Variants in MTMR3 observed in about 807,000 individuals in gnomAD.
The protein encoded by MTMR3 is myotubularin related protein 3.
In MTMR3, 32 loss-of-function variants were observed where a neutral mutation model predicts 132.4. That is an observed-to-expected ratio of 0.24 (90% CI 0.18 to 0.32). The LOEUF (loss-of-function observed/expected upper bound fraction) is 0.32. Among genes scored for constraint, MTMR3 ranks in the 10% least tolerant of loss-of-function variants. MTMR3 has a pLI of 1.00. For missense variants in MTMR3, 1,216 were observed against 1,489.6 expected (o/e 0.82, Z 3.02); for synonymous variants, 556 against 550.3 (o/e 1.01, Z -0.14).
chr22:29,953,328 A>G (rs954707252), intron 1 of MTMR3, among the ~76,000 whole-genome samples: 2 of 152,164 alleles, frequency 1.3e-5, no homozygotes. Context: ...GTTCAGACTT[A>G]CTAGTTTTTG....
At chr22:30,015,222 ATT>A (rs35996424) in intron 14 of MTMR3, 19 of 141,394 alleles carry the variant, frequency 1.3e-4, no homozygotes, top group South Asian at 4.5e-4. Context: ...GATGTTTTTA[ATT>A]TTTTTTTTTT....
At chr22:29,905,660 A>G (rs968327190) in intron 1 of MTMR3, among the ~76,000 whole-genome samples, 3 of 152,144 alleles carry the variant, frequency 2.0e-5, no homozygotes, top group African/African-American at 7.2e-5. Flanking sequence ...AGTTGTTTGA[A>G]TTTACTTGTT....
chr22:29,895,377 G>T (rs73396810), intron 1 of MTMR3, among the ~76,000 whole-genome samples: 4,943 of 152,238 alleles, frequency 0.032, 279 homozygotes, highest in African/African-American at 0.11. Context: ...TTACCGATGA[G>T]AAATAAGTTT....
intron 3 of MTMR3, chr22:29,978,229 CA>C (rs1229104530): frequency 2.5e-6 from 1 of 397,674 alleles, no homozygotes; most frequent in African/African-American, 2.0e-5. Context: ...ACCTCTTTGA[CA>C]TTTTTTTTGC....
Position 30,022,593 on chromosome 22 carries a change from C to A in MTMR3, c.3337-16C>A. 6.2e-7 allele frequency: 1 copy of A among 1,607,898 alleles called. No homozygotes were observed. The highest frequency in any genetic ancestry group is 1.1e-5 in the South Asian group (1 of 90,920). On this transcript the variant is annotated splice_polypyrimidine_tract_variant and intron_variant, in intron 18 of 19. Coordinates refer to ENST00000401950, the MANE Select transcript of MTMR3 (RefSeq NM_021090.4). ...GCCCATCTCCTGTCAGTAACCTGGT[C>A]CCATCTGTTTTGCAGATGACCCGTT...
At chr22:29,954,420 AG>A (rs2066148672) in intron 1 of MTMR3, among the ~76,000 whole-genome samples, 1 of 152,056 alleles carries the variant, frequency 6.6e-6, no homozygotes, top group Non-Finnish European at 1.5e-5. Flanking sequence ...AATAGTCCTA[AG>A]AGGCATGAGC....
Position 30,022,606 on chromosome 22 carries a change from C to T in MTMR3, c.3337-3C>T, listed in dbSNP as rs2067793074. 1.2e-6 allele frequency: 2 copies of T among 1,612,700 alleles called. No homozygotes were observed. Among genetic ancestry groups the T allele is most frequent in the Non-Finnish European group, 1.7e-6 (2 of 1,179,696 alleles). ...CAGTAACCTGGTCCCATCTGTTTTG[C>T]AGATGACCCGTTGGCTTCCTGACCA... On this transcript the variant is annotated splice_polypyrimidine_tract_variant and splice_region_variant and intron_variant, in intron 18 of 19. Coordinates refer to ENST00000401950, the MANE Select transcript of MTMR3 (RefSeq NM_021090.4).
intron 7 of MTMR3, chr22:29,993,918 T>C (rs925618941): frequency 1.9e-5 from 3 of 161,206 alleles, no homozygotes; most frequent in Non-Finnish European, 3.9e-5. Context: ...ACTTAGGAAT[T>C]AGGAAACCTG....
intron 1 of MTMR3, among the ~76,000 whole-genome samples, chr22:29,939,877 G>A (rs984934921): frequency 6.6e-6 from 1 of 152,158 alleles, no homozygotes; most frequent in Non-Finnish European, 1.5e-5. Context: ...CATGAAAGAT[G>A]ACATTCAACC....
chr22:29,970,286 A>G (rs73883349), intron 2 of MTMR3, among the ~76,000 whole-genome samples: 11,852 of 152,224 alleles, frequency 0.078, 537 homozygotes, highest in African/African-American at 0.092. Context: ...GATAACCACA[A>G]AAACATCCTA....
At chr22:29,906,245 C>CGTCTGTCTGTCT (rs57375920) in intron 1 of MTMR3, among the ~76,000 whole-genome samples, 11 of 107,154 alleles carry the variant, frequency 1.0e-4, no homozygotes, top group African/African-American at 3.0e-4. Flanking sequence ...TCCATCCATC[C>CGTCTGTCTGTCT]GTCTGTCTGT....
chr22:30,025,632 A>G lies in MTMR3; in HGVS notation c.3428A>G (p.Asn1143Ser). 6.2e-7 allele frequency: 1 copy of G among 1,614,164 alleles called. No homozygotes were observed. Among genetic ancestry groups the G allele is most frequent in the South Asian group, 1.1e-5 (1 of 91,086 alleles). The change falls in exon 20 of 20, where the codon AAT (asparagine) becomes AGT (serine). Residue 1143 changes from asparagine to serine, a missense_variant and splice_region_variant. Physicochemically the swap from Asn to Ser is conservative, Grantham distance 46 (BLOSUM62 1). Coordinates refer to ENST00000401950, the MANE Select transcript of MTMR3 (RefSeq NM_021090.4). The stretch of plus-strand genomic sequence containing the variant: ...GTTCTGTTTCTTCTCATCTCAAGGA[A>G]TTGTGGGAACGTATTCTGCTCCAGT... ...WLASRKHHCR[N>S]CGNVFCSSCC...
At chr22:29,943,826 T>TC (rs2065904296) in intron 1 of MTMR3, among the ~76,000 whole-genome samples, 1 of 140,020 alleles carries the variant, frequency 7.1e-6, no homozygotes, top group Non-Finnish European at 1.6e-5. Flanking sequence ...CTTTTTTTTT[T>TC]CTTTCTTTCT....
chr22:30,021,976 C>A, intron 17 of MTMR3, 53 bp from the exon 18 acceptor site: 1 of 1,456,734 alleles, frequency 6.9e-7, no homozygotes, highest in Admixed American at 1.7e-5. Context: ...GCCTTTTCTT[C>A]TTTTGGGAGG....
At chr22:29,957,929 A>C (rs1196626462) in intron 2 of MTMR3, among the ~76,000 whole-genome samples, 1 of 152,082 alleles carries the variant, frequency 6.6e-6, no homozygotes, top group African/African-American at 2.4e-5. Context: ...GTTGTTGTTA[A>C]TCTGTCACTG....
At chr22:29,947,826 A>G (rs2065981489) in intron 1 of MTMR3, among the ~76,000 whole-genome samples, 1 of 152,136 alleles carries the variant, frequency 6.6e-6, no homozygotes, top group African/African-American at 2.4e-5. Flanking sequence ...AATATTACTA[A>G]TTTTAAAAAG....
chr22:30,024,632 AAAGTTAGAAGGCTAAG>A (rs1479108044), intron 19 of MTMR3: 1 of 152,242 alleles, frequency 6.6e-6, no homozygotes, highest in Non-Finnish European at 1.5e-5. Flanking sequence ...GCATAAATGA[AAAGTTAGAAGGCTAAG>A]AAGCTGCCCT....
chr22:29,931,322 CT>C (rs1569010143), intron 1 of MTMR3, among the ~76,000 whole-genome samples: 1 of 152,200 alleles, frequency 6.6e-6, no homozygotes, highest in Non-Finnish European at 1.5e-5. Context: ...TATACAATGA[CT>C]TTTGGTTGTT....
chr22:30,013,179 T>C (rs933998335), intron 13 of MTMR3, 177 bp from the exon 14 acceptor site: 2 of 502,774 alleles, frequency 4.0e-6, no homozygotes, highest in African/African-American at 3.9e-5. Flanking sequence ...TTCAGGGAAT[T>C]GGGAAATTTC....
Sources: gnomAD v4.1 joint callset for allele counts (sites outside exome capture counted in the v4.1 genomes callset) on GRCh38, gnomAD v4.1.1 for gene constraint, MANE v1.5 for transcripts, NCBI Gene and HGNC (gene_info 2026-07-23, HGNC 2026-07-21) for gene names.